The following TRPC4 variants were observed in gnomAD, a reference collection of about 807,000 sequenced individuals.
The protein encoded by TRPC4 is short transient receptor potential channel 4.
In TRPC4, 49 loss-of-function variants were observed where a neutral mutation model predicts 99.4. The observed-to-expected ratio is 0.49, with a 90% CI of 0.39 to 0.63. The LOEUF (loss-of-function observed/expected upper bound fraction) is 0.63. Among genes scored for constraint, TRPC4 ranks in the 20% least tolerant of loss-of-function variants. TRPC4 has a pLI of 0.00. For missense variants in TRPC4, 898 were observed against 1,152.9 expected, an observed-to-expected ratio of 0.78 and a Z score of 3.20; for synonymous variants, 454 against 425.9, an observed-to-expected ratio of 1.07 and a Z score of -0.81.
chr13:37,687,654 T>G (rs1297040961), intron 4 of TRPC4, among the ~76,000 whole-genome samples: 1 of 152,330 alleles, frequency 6.6e-6, no homozygotes, highest in East Asian at 1.9e-4. Flanking sequence ...ATTCTATTCA[T>G]TGCATATTCC....
At chr13:37,751,930 C>T (rs538206359) in intron 2 of TRPC4, among the ~76,000 whole-genome samples, 171 of 150,972 alleles carry the variant, frequency 1.1e-3, no homozygotes, top group African/African-American at 4.0e-3. Context: ...ATATTTGCAG[C>T]GTCACATCAG....
At position 37,723,703 on chromosome 13, in the gene TRPC4, G is replaced by A. The variant is rs186928377; in HGVS notation, c.897+22234C>T. On this transcript the variant is annotated intron_variant, in intron 3 of 10. Transcript: ENST00000379705. ...AGCTGGAACTACAGGCACACACTAC[G>A]ATGCCCAGCTAATTTTTAAAAATTC... Among the ~76,000 whole-genome samples, 693 of 152,036 alleles carry A rather than the reference G, an allele frequency of 4.6e-3. 14 individuals carry two copies. Among genetic ancestry groups the A allele is most frequent in the Non-Finnish European group, 3.2e-3 (217 of 67,966 alleles).
At chr13:37,822,490 G>A (rs1268868628) in intron 1 of TRPC4, among the ~76,000 whole-genome samples, 1 of 131,578 alleles carries the variant, frequency 7.6e-6, no homozygotes, top group Non-Finnish European at 1.5e-5. Flanking sequence ...CTCATTGTTT[G>A]ATTCCCATCT....
intron 6 of TRPC4, among the ~76,000 whole-genome samples, chr13:37,661,914 T>C (rs1952454339): frequency 6.6e-6 from 1 of 152,112 alleles, no homozygotes; most frequent in Non-Finnish European, 1.5e-5. Context: ...GGGATTTCAT[T>C]GAATTCCTCC....
intron 4 of TRPC4, among the ~76,000 whole-genome samples, chr13:37,675,007 C>A (rs1362888687): frequency 6.6e-6 from 1 of 151,964 alleles, no homozygotes; most frequent in South Asian, 2.1e-4. Flanking sequence ...TTTCCATTAT[C>A]TTATTAAAAT....
chr13:37,752,952 C>T (rs1328676041), intron 2 of TRPC4, among the ~76,000 whole-genome samples: 1 of 149,854 alleles, frequency 6.7e-6, no homozygotes, highest in Non-Finnish European at 1.5e-5. Flanking sequence ...AGAAGCATAG[C>T]AGAAAATTCC....
At chr13:37,727,869 G>C (rs76652870) in intron 3 of TRPC4, among the ~76,000 whole-genome samples, 4,080 of 152,006 alleles carry the variant, frequency 0.027, 171 homozygotes, top group African/African-American at 0.093. Flanking sequence ...TTTATTTTTG[G>C]AATGGGCTGA....
intron 1 of TRPC4, among the ~76,000 whole-genome samples, chr13:37,836,668 A>G (rs982897105): frequency 1.3e-5 from 2 of 152,192 alleles, no homozygotes; most frequent in Non-Finnish European, 2.9e-5. Context: ...TGTTAAAGGC[A>G]TTCAGTTTTA....
At chr13:37,649,150 T>C (rs575084479) in intron 8 of TRPC4, among the ~76,000 whole-genome samples, 1 of 152,262 alleles carries the variant, frequency 6.6e-6, no homozygotes, top group African/African-American at 2.4e-5. Flanking sequence ...GTATAAAGGA[T>C]AAGTATATTT....
intron 8 of TRPC4, among the ~76,000 whole-genome samples, chr13:37,643,970 A>G (rs1477880751): frequency 6.6e-6 from 1 of 152,096 alleles, no homozygotes; most frequent in Admixed American, 6.5e-5. Flanking sequence ...ATTCTAGTAT[A>G]ATCTCGCCTT....
rs1951424562 is a variant in TRPC4 at position 37,632,884 on chromosome 13, T to C, written c.*4019A>G. Among the ~76,000 whole-genome samples the C allele has an allele frequency of 6.6e-6, 1 of 152,218 alleles. No homozygotes were observed. Among genetic ancestry groups the C allele is most frequent in the Non-Finnish European group, 1.5e-5 (1 of 68,038 alleles). ...ATTTTAACTTGAATGTTTGGACAAC[T>C]ATATTTTCTACAAGGGCAAAGAAGA... On this transcript the variant is annotated 3_prime_UTR_variant, in exon 11 of 11. Transcript: ENST00000379705.
chr13:37,695,474 C>A (rs1953874714), intron 3 of TRPC4, among the ~76,000 whole-genome samples: 1 of 152,196 alleles, frequency 6.6e-6, no homozygotes, highest in African/African-American at 2.4e-5. Flanking sequence ...ATAGGAGGAA[C>A]TACCATCTTC....
At chr13:37,853,299 A>G (rs377692851) in intron 1 of TRPC4, among the ~76,000 whole-genome samples, 5 of 152,214 alleles carry the variant, frequency 3.3e-5, no homozygotes, top group South Asian at 2.1e-4. Context: ...AGGTAAATGA[A>G]TAACAGTCTC....
intron 3 of TRPC4, among the ~76,000 whole-genome samples, chr13:37,701,417 T>C (rs956587634): frequency 2.0e-5 from 3 of 152,200 alleles, no homozygotes; most frequent in African/African-American, 7.2e-5. Context: ...ACAAGGATTA[T>C]TGAGTAATCA....
At chr13:37,848,588 G>A (rs149089910) in intron 1 of TRPC4, among the ~76,000 whole-genome samples, 48 of 152,142 alleles carry the variant, frequency 3.2e-4, no homozygotes, top group African/African-American at 1.1e-3. Context: ...GACCAGAATC[G>A]GAGCAAAGTA....
rs568537094 is a variant in TRPC4 at position 37,746,570 on chromosome 13, T to G, written c.379-115A>C. On this transcript the variant is annotated intron_variant, in intron 2 of 10. Transcript: ENST00000379705. Reference sequence around the variant, plus strand: ...GGGTTTATATGTCCTTGGCCGGGTTTTTTTTTTTTTGTAGGAGAGATATGG... The same window carrying G: ...GGGTTTATATGTCCTTGGCCGGGTTGTTTTTTTTTTGTAGGAGAGATATGG... 2.9e-3 allele frequency: 3,523 copies of G among 1,198,732 alleles called. 23 individuals are homozygous for G. Among genetic ancestry groups the G allele is most frequent in the Non-Finnish European group, 2.8e-3 (2,559 of 901,388 alleles). The allele number at this position is 1,198,732 out of a possible 1,614,324, so 74.3% of individuals were successfully genotyped here. A position where few individuals can be genotyped will look rare whatever the true frequency, so the allele number is the denominator to read the frequency against.
chr13:37,840,113 A>C (rs961793211), intron 1 of TRPC4, among the ~76,000 whole-genome samples: 1 of 152,154 alleles, frequency 6.6e-6, no homozygotes, highest in Non-Finnish European at 1.5e-5. Flanking sequence ...CTCCAGGAAG[A>C]TATATCAAAT....
At chr13:37,867,262 A>C (rs1254221876) in intron 1 of TRPC4, among the ~76,000 whole-genome samples, 1 of 151,994 alleles carries the variant, frequency 6.6e-6, no homozygotes, top group Non-Finnish European at 1.5e-5. Flanking sequence ...TAGTTACAAT[A>C]CTTACTATTG....
chr13:37,654,030 G>A (rs575997716), intron 7 of TRPC4, among the ~76,000 whole-genome samples: 1 of 152,096 alleles, frequency 6.6e-6, no homozygotes, highest in Admixed American at 6.6e-5. Flanking sequence ...CCTATTTCCA[G>A]AGGAATTTTT....
Sources: gnomAD v4.1 joint callset for allele counts (sites outside exome capture counted in the v4.1 genomes callset) on GRCh38, gnomAD v4.1.1 for gene constraint, MANE v1.5 for transcripts, NCBI Gene and HGNC (gene_info 2026-07-23, HGNC 2026-07-21) for gene names.